Variants in ABCB10 observed in about 807,000 individuals in gnomAD.
ABCB10 encodes the protein ATP-binding cassette sub-family B member 10, mitochondrial.
Under a neutral mutation model 65.4 loss-of-function variants are expected in ABCB10, and 54 were observed. The observed-to-expected ratio is 0.83, with a 90% confidence interval of 0.66 to 1.04. ABCB10 has a LOEUF of 1.04. Among genes scored for constraint, ABCB10 ranks in the 50% least tolerant of loss-of-function variants. The pLI, the probability that ABCB10 is intolerant of heterozygous loss-of-function variation, is 0.00. For synonymous variants in ABCB10, 418 were observed against 406.5 expected (o/e 1.03, Z -0.34); for missense variants, 846 against 976.6 (o/e 0.87, Z 1.78).
intron 1 of ABCB10, among the ~76,000 whole-genome samples, chr1:229,552,989 G>A (rs1663155593): frequency 6.6e-6 from 1 of 152,150 alleles, no homozygotes; most frequent in Admixed American, 6.6e-5. Context: ...ATGGAGCAGG[G>A]GCAGAGACCT....
chr1:229,538,354 G>C (rs189466832), intron 6 of ABCB10, among the ~76,000 whole-genome samples: 1 of 152,268 alleles, frequency 6.6e-6, no homozygotes, highest in East Asian at 1.9e-4. Context: ...AGGCCAGGGA[G>C]GAAACCTGGA....
intron 1 of ABCB10, among the ~76,000 whole-genome samples, chr1:229,557,861 G>A (rs770258979): frequency 4.6e-5 from 7 of 152,186 alleles, no homozygotes; most frequent in Non-Finnish European, 1.0e-4. Flanking sequence ...AGTTGGTGGT[G>A]GAACAGACCC....
At chr1:229,551,208 T>G (rs906692238) in intron 1 of ABCB10, among the ~76,000 whole-genome samples, 2 of 152,170 alleles carry the variant, frequency 1.3e-5, no homozygotes, top group African/African-American at 4.8e-5. Context: ...TTAGAAAAAT[T>G]GCTCTTGCCC....
At chr1:229,544,416 C>CAA (rs35004821) in intron 3 of ABCB10, among the ~76,000 whole-genome samples, 29 of 60,946 alleles carry the variant, frequency 4.8e-4, no homozygotes, top group South Asian at 7.5e-4. Flanking sequence ...GACCTTCTCT[C>CAA]AAAAAAAAAA....
At chr1:229,540,007 G>A (rs1437125815) in intron 5 of ABCB10, among the ~76,000 whole-genome samples, 1 of 152,164 alleles carries the variant, frequency 6.6e-6, no homozygotes, top group Non-Finnish European at 1.5e-5. Context: ...CCATGGTTAC[G>A]TGTGTGGTTG....
chr1:229,522,638 T>C (rs1206517285), intron 10 of ABCB10, among the ~76,000 whole-genome samples: 1 of 151,664 alleles, frequency 6.6e-6, no homozygotes, highest in African/African-American at 2.4e-5. Flanking sequence ...GATCTGAACC[T>C]ACACAGTGCA....
In ABCB10 at chr1:229,518,329, G is replaced by A. The variant is rs778060314; in HGVS notation, c.2067C>T (p.Ala689=). Residue 689 remains alanine, a synonymous_variant, in exon 13 of 13, where the codon GCC becomes GCT. Coordinates refer to ENST00000344517, the MANE Select transcript of ABCB10 (RefSeq NM_012089.3). ...CATTCTTAATGGTGGACAGACGATG[G>A]GCAATAACTAACACCGTTCTTCCAT... ...LMDGRTVLVI[A]HRLSTIKNAN... 1 of 1,614,116 alleles carries A rather than the reference G, an allele frequency of 6.2e-7. No homozygotes were observed. Among genetic ancestry groups the A allele is most frequent in the South Asian group, 1.1e-5 (1 of 91,084 alleles).
chr1:229,522,063 T>A (rs769797042), intron 10 of ABCB10, among the ~76,000 whole-genome samples: 31 of 152,058 alleles, frequency 2.0e-4, no homozygotes, highest in Non-Finnish European at 2.5e-4. Context: ...TTTGCCATGT[T>A]GCCCAGGCTG....
chr1:229,549,253 G>C lies in ABCB10; in HGVS notation c.699C>G (p.Val233=), dbSNP rs1663045004. Residue 233 remains valine, a synonymous_variant, in exon 2 of 13, where the codon GTC becomes GTG. Transcript: ENST00000344517. ...TGTTACCTGAAGTTTGCATGAGGTA[G>C]ACACGAATGGCATTGGCGGCAGCAC... is the stretch of plus-strand genomic sequence containing the variant. ...LCGAAANAIR[V]YLMQTSGQRI... 2 of 1,613,958 alleles carry C rather than the reference G, an allele frequency of 1.2e-6. No individual in the cohort carries two copies. The highest frequency in any genetic ancestry group is 2.2e-5 in the South Asian group (2 of 91,076).
chr1:229,527,474 G>C (rs1662472872), intron 8 of ABCB10, among the ~76,000 whole-genome samples, 166 bp from the exon 9 acceptor site: 1 of 152,168 alleles, frequency 6.6e-6, no homozygotes, highest in South Asian at 2.1e-4. Flanking sequence ...AAATTTCAGA[G>C]CTAAAAGGGA....
At chr1:229,530,127 T>A in intron 8 of ABCB10, 72 bp downstream of exon 8, 1 of 1,462,998 alleles carries the variant, frequency 6.8e-7, no homozygotes, top group Middle Eastern at 2.4e-4. Context: ...GGTTTGAGCA[T>A]CTCCTAGGGC....
chr1:229,517,983 T>A lies in ABCB10; in HGVS notation c.*196A>T. ...TCAGTGCTATAGACATTTAAAAAGT[T>A]ACAATTATTAAAACTCTGAATAAAA... On this transcript the variant is annotated 3_prime_UTR_variant, in exon 13 of 13. Transcript: ENST00000344517. The A allele has an allele frequency of 1.8e-6, 1 of 571,032 alleles. No individual in the cohort carries two copies. 35.4% of individuals were successfully genotyped at this position (571,032 alleles called of 1,614,324 possible).
intron 11 of ABCB10, among the ~76,000 whole-genome samples, chr1:229,519,979 T>A (rs1162491580): frequency 1.3e-5 from 2 of 150,020 alleles, no homozygotes; most frequent in East Asian, 2.0e-4. Context: ...AATTTTTTTT[T>A]AAATTAGCTG....
intron 6 of ABCB10, among the ~76,000 whole-genome samples, chr1:229,536,436 G>A (rs942003619): frequency 3.3e-5 from 5 of 152,172 alleles, no homozygotes; most frequent in Admixed American, 6.5e-5. Flanking sequence ...GAGCCCAGGA[G>A]GTCGAGGCTG....
At chr1:229,527,528 T>G (rs573083645) in intron 8 of ABCB10, among the ~76,000 whole-genome samples, 2 of 152,372 alleles carry the variant, frequency 1.3e-5, no homozygotes, top group East Asian at 3.9e-4. Context: ...AGTAGCTGGA[T>G]GACTATCTCA....
intron 11 of ABCB10, among the ~76,000 whole-genome samples, chr1:229,521,017 C>T (rs1662302482): frequency 6.6e-6 from 1 of 151,486 alleles, no homozygotes; most frequent in Non-Finnish European, 1.5e-5. Flanking sequence ...CTGGAAAGTA[C>T]ATTTAAAATA....
chr1:229,525,611 T>C (rs1183853067), intron 10 of ABCB10, among the ~76,000 whole-genome samples: 1 of 152,166 alleles, frequency 6.6e-6, no homozygotes, highest in Non-Finnish European at 1.5e-5. Flanking sequence ...GAGGCCAAGG[T>C]GGGCGGATCA....
chr1:229,534,359 T>A (rs1662654436), intron 6 of ABCB10, among the ~76,000 whole-genome samples: 1 of 152,122 alleles, frequency 6.6e-6, no homozygotes, highest in South Asian at 2.1e-4. Flanking sequence ...GAAGGCAGTT[T>A]GGGAGTTTCT....
intron 2 of ABCB10, 70 bp downstream of exon 2, chr1:229,549,164 C>T (rs1282398277): frequency 1.9e-6 from 3 of 1,545,882 alleles, no homozygotes; most frequent in African/African-American, 2.7e-5. Flanking sequence ...GAGATTTGAG[C>T]CCGAACAAAC....
Sources: allele counts gnomAD v4.1 joint callset (sites outside exome capture counted in the v4.1 genomes callset), GRCh38; gene constraint gnomAD v4.1.1; transcripts MANE v1.5; gene names NCBI Gene and HGNC (gene_info 2026-07-23, HGNC 2026-07-21).